SLCO2B1: variants seen among roughly 807,000 people sequenced by gnomAD.
SLCO2B1 encodes solute carrier organic anion transporter family member 2B1.
A neutral mutation model predicts 67.3 loss-of-function variants in SLCO2B1; 41 were observed. The observed-to-expected ratio is 0.61, with a 90% CI of 0.47 to 0.79. The LOEUF (loss-of-function observed/expected upper bound fraction) is 0.79. Ranked by LOEUF, SLCO2B1 falls within the 30% of genes least tolerant of loss-of-function variation. The probability of loss-of-function intolerance (pLI) is 0.00; values close to 1 mark genes in which losing one functional copy is unlikely to be tolerated. For missense variants in SLCO2B1, 837 were observed against 920.1 expected, an observed-to-expected ratio of 0.91 and a Z score of 1.17; for synonymous variants, 379 against 381.4, an observed-to-expected ratio of 0.99 and a Z score of 0.07.
chr11:75,170,257 A>T (rs1949942623), intron 6 of SLCO2B1, among the ~76,000 whole-genome samples: 1 of 152,242 alleles, frequency 6.6e-6, no homozygotes, highest in Non-Finnish European at 1.5e-5. Context: ...GGCCTCTCTC[A>T]GATGGGACAT....
At position 75,193,990 on chromosome 11, in the gene SLCO2B1, G is replaced by A. The variant is rs997299987; in HGVS notation, c.1433+415G>A. 7.9e-5 allele frequency among the ~76,000 whole-genome samples: 12 copies of A among 152,144 alleles called. No individual in the cohort carries two copies. Among genetic ancestry groups the A allele is most frequent in the South Asian group, 2.1e-4 (1 of 4,832 alleles). Reference sequence around the variant, plus strand: ...AGGAGGAAGCATGCTCTCCATCCTGGGGACGAGAGGGGATGAGAGGGTGAG... The same window carrying A: ...AGGAGGAAGCATGCTCTCCATCCTGAGGACGAGAGGGGATGAGAGGGTGAG... On this transcript the variant is annotated intron_variant, in intron 9 of 13. Transcript: ENST00000289575. This position sits in a 1 kb window ranked among gnomAD's most constrained non-coding sequence, Gnocchi z 4.2.
chr11:75,160,540 C>T (rs577001705), intron 1 of SLCO2B1, among the ~76,000 whole-genome samples: 8 of 152,342 alleles, frequency 5.3e-5, no homozygotes, highest in African/African-American at 1.9e-4. Context: ...TGGTCCCCTC[C>T]ACCTCCTCTG....
chr11:75,160,898 G>A (rs374364761), intron 1 of SLCO2B1, among the ~76,000 whole-genome samples: 8 of 152,338 alleles, frequency 5.3e-5, no homozygotes, highest in African/African-American at 1.9e-4. Context: ...TCTACCCTAT[G>A]AGGATGGCTA....
intron 7 of SLCO2B1, among the ~76,000 whole-genome samples, chr11:75,177,977 C>T (rs1016766089): frequency 1.3e-4 from 20 of 151,744 alleles, no homozygotes; most frequent in African/African-American, 4.6e-4. Context: ...ACCTGTAGCC[C>T]CAGCTATTTG....
intron 7 of SLCO2B1, among the ~76,000 whole-genome samples, chr11:75,182,215 G>A (rs1950099622): frequency 6.6e-6 from 1 of 152,136 alleles, no homozygotes. Context: ...CCCAGCCCCT[G>A]AAGGTCTGTC....
Position 75,204,428 on chromosome 11 carries a change from A to G in SLCO2B1, c.1978A>G (p.Thr660Ala). The change falls in exon 14 of 14, where the codon ACA (threonine) becomes GCA (alanine). Residue 660 changes from threonine (T) to alanine (A), a missense_variant. Physicochemically the swap from Thr to Ala is moderately conservative, Grantham distance 58. Coordinates refer to ENST00000289575, the MANE Select transcript of SLCO2B1 (RefSeq NM_007256.5). ...RFIGLQFFFKTGSVICFALVL... is the reference protein window; with the variant it reads ...RFIGLQFFFKAGSVICFALVL... ...CATCGGCCTCCAGTTCTTCTTCAAA[A>G]CAGGTTCTGTGATCTGCTTCGCCTT... 2 of 1,609,620 alleles carry G rather than the reference A, an allele frequency of 1.2e-6. No individual in the cohort carries two copies. The highest frequency in any genetic ancestry group is 1.7e-6 in the Non-Finnish European group (2 of 1,178,084).
At chr11:75,191,339 C>T (rs1565546939) in intron 8 of SLCO2B1, among the ~76,000 whole-genome samples, 1 of 152,154 alleles carries the variant, frequency 6.6e-6, no homozygotes, top group Non-Finnish European at 1.5e-5. Context: ...GCCTCAGATG[C>T]CCTGGCCAGA....
chr11:75,163,647 T>C (rs1208834271), intron 2 of SLCO2B1, among the ~76,000 whole-genome samples: 2 of 152,104 alleles, frequency 1.3e-5, no homozygotes, highest in Admixed American at 1.3e-4. Flanking sequence ...CCCAGGCTCC[T>C]GGAGTGTACC....
At chr11:75,180,766 A>T (rs1045892737) in intron 7 of SLCO2B1, among the ~76,000 whole-genome samples, 4 of 152,214 alleles carry the variant, frequency 2.6e-5, no homozygotes, top group Non-Finnish European at 5.9e-5. Context: ...GGATGATCTC[A>T]TTTAGTCCCC....
chr11:75,199,870 G>T (rs1216147319), intron 10 of SLCO2B1: 3 of 260,670 alleles, frequency 1.2e-5, no homozygotes, highest in African/African-American at 4.5e-5. Flanking sequence ...CACTCCAGGG[G>T]GCAAGCCCGG....
chr11:75,162,831 G>T, intron 2 of SLCO2B1, 46 bp downstream of exon 2: 1 of 1,589,342 alleles, frequency 6.3e-7, no homozygotes, highest in Middle Eastern at 1.7e-4. Context: ...AGAAGAGCAG[G>T]CTCTGCCACG....
chr11:75,179,323 C>T (rs1428851971), intron 7 of SLCO2B1, among the ~76,000 whole-genome samples: 2 of 149,622 alleles, frequency 1.3e-5, no homozygotes, highest in African/African-American at 5.0e-5. Context: ...CCTCCGCCTC[C>T]GGGGTTCAAG....
chr11:75,175,230 T>C (rs1449855619), intron 7 of SLCO2B1, among the ~76,000 whole-genome samples: 2 of 152,122 alleles, frequency 1.3e-5, no homozygotes, highest in African/African-American at 4.8e-5. Context: ...AATATTGATG[T>C]GGGAGGAATT....
At chr11:75,183,673 T>C (rs1950114373) in intron 7 of SLCO2B1, among the ~76,000 whole-genome samples, 1 of 152,140 alleles carries the variant, frequency 6.6e-6, no homozygotes, top group African/African-American at 2.4e-5. Flanking sequence ...CACAGGTGCA[T>C]GTCACCATGC....
rs1051745842 is a variant in SLCO2B1 at position 75,206,113 on chromosome 11, C to A, written c.*1533C>A. 1 of 152,180 alleles carries A rather than the reference C, an allele frequency of 6.6e-6. No individual in the cohort carries two copies. The highest frequency in any genetic ancestry group is 1.5e-5 in the Non-Finnish European group (1 of 68,038). The allele number at this position is 152,180 out of a possible 1,614,324, so 9.4% of individuals were successfully genotyped here. ...ATATCTGAGCATGTATCTATCAACG[C>A]CAAGAATTTCAAAGTCTCCTTCAAC... On this transcript the variant is annotated 3_prime_UTR_variant, in exon 14 of 14. Transcript: ENST00000289575.
At chr11:75,166,709 G>T (rs867591549) in intron 4 of SLCO2B1, among the ~76,000 whole-genome samples, 1 of 152,114 alleles carries the variant, frequency 6.6e-6, no homozygotes, top group Non-Finnish European at 1.5e-5. Context: ...TGCCTACTTC[G>T]TGCCTGAGCC....
At chr11:75,173,222 A>G (rs535135374) in intron 7 of SLCO2B1, among the ~76,000 whole-genome samples, 76 of 152,334 alleles carry the variant, frequency 5.0e-4, no homozygotes, top group Admixed American at 8.5e-4. Context: ...TGCCATAGGA[A>G]TGTTAAGAAT....
At chr11:75,166,004 C>T (rs1308168885) in intron 4 of SLCO2B1, 55 bp downstream of exon 4, 11 of 1,556,544 alleles carry the variant, frequency 7.1e-6, no homozygotes, top group African/African-American at 5.4e-5. Flanking sequence ...CATTGCTTTG[C>T]GCTGGGGCCC....
intron 7 of SLCO2B1, among the ~76,000 whole-genome samples, chr11:75,187,219 G>A (rs571904077): frequency 6.6e-6 from 1 of 152,272 alleles, no homozygotes; most frequent in East Asian, 1.9e-4. Context: ...GGCATTAACC[G>A]TTATTTATCA....
Sources: allele counts gnomAD v4.1 joint callset (sites outside exome capture counted in the v4.1 genomes callset), GRCh38; gene constraint gnomAD v4.1.1; non-coding constraint Gnocchi (gnomAD v3.1); transcripts MANE v1.5; gene names NCBI Gene and HGNC (gene_info 2026-07-23, HGNC 2026-07-21).